LRP1B: variants seen among roughly 807,000 people sequenced by gnomAD.
LRP1B encodes the protein low-density lipoprotein receptor-related protein 1B.
A neutral mutation model predicts 556.6 loss-of-function variants in LRP1B; 217 were observed. That is an observed-to-expected ratio of 0.39 (90% CI 0.35 to 0.44). The LOEUF (loss-of-function observed/expected upper bound fraction) is 0.44. LRP1B is among the 20% of genes least tolerant of loss of function. The probability of loss-of-function intolerance (pLI) is 1.00; values close to 1 mark genes in which losing one functional copy is unlikely to be tolerated. For synonymous variants in LRP1B, 2,047 were observed against 1,865.8 expected (o/e 1.10, Z -2.50); for missense variants, 5,053 against 5,620.8 (o/e 0.90, Z 3.23).
chr2:141,803,931 C>T lies in LRP1B; in HGVS notation c.205+6348G>A, dbSNP rs569721788. Among the ~76,000 whole-genome samples, 60 of 152,200 alleles carry T rather than the reference C, an allele frequency of 3.9e-4. No individual in the cohort carries two copies. The South Asian group carries it at 0.011, about 27-fold the overall frequency. On this transcript the variant is annotated intron_variant, in intron 2 of 90. Coordinates refer to ENST00000389484, the MANE Select transcript of LRP1B (RefSeq NM_018557.3). ...AATAAAGTTTAAAATTTCACAACAA[C>T]GGAAACATAATAGAATCATTGGTCA...
intron 3 of LRP1B, among the ~76,000 whole-genome samples, chr2:141,308,309 C>A (rs1686676908): frequency 6.6e-6 from 1 of 152,122 alleles, no homozygotes; most frequent in South Asian, 2.1e-4. Context: ...GTCTTGATGG[C>A]ATCTTTTGAG....
intron 60 of LRP1B, among the ~76,000 whole-genome samples, chr2:140,471,509 C>A (rs1243074873): frequency 3.9e-5 from 6 of 152,036 alleles, no homozygotes; most frequent in Non-Finnish European, 8.8e-5. Flanking sequence ...TAATATAAAT[C>A]ATTTACTTAA....
intron 41 of LRP1B, among the ~76,000 whole-genome samples, chr2:140,640,545 G>T (rs562554240): frequency 1.3e-5 from 2 of 150,130 alleles, no homozygotes; most frequent in Non-Finnish European, 3.0e-5. Flanking sequence ...ACAGGCGCCC[G>T]CCACCATGCC....
At chr2:141,626,883 T>A (rs964512181) in intron 2 of LRP1B, among the ~76,000 whole-genome samples, 1 of 152,150 alleles carries the variant, frequency 6.6e-6, no homozygotes, top group Non-Finnish European at 1.5e-5. Flanking sequence ...TGGAAGACAG[T>A]TTGCCAGATT....
chr2:140,603,105 T>C (rs490089), intron 41 of LRP1B, among the ~76,000 whole-genome samples: 150,315 of 152,068 alleles, frequency 0.99, 74,321 homozygotes, highest in Middle Eastern at 1. Context: ...TCATTAGTCT[T>C]AACTTGTTTG....
intron 31 of LRP1B, among the ~76,000 whole-genome samples, chr2:140,834,351 T>A (rs62173624): frequency 3.3e-5 from 5 of 151,986 alleles, no homozygotes; most frequent in South Asian, 4.2e-4. Context: ...GCGATCCTCC[T>A]GCCTCAGCCT....
intron 66 of LRP1B, among the ~76,000 whole-genome samples, chr2:140,390,328 T>A (rs1349509357): frequency 6.6e-6 from 1 of 152,124 alleles, no homozygotes; most frequent in African/African-American, 2.4e-5. Flanking sequence ...CAATTGAGTT[T>A]CAATAAAGGC....
intron 79 of LRP1B, among the ~76,000 whole-genome samples, chr2:140,334,251 G>A (rs1377667196): frequency 6.6e-6 from 1 of 151,950 alleles, no homozygotes; most frequent in East Asian, 1.9e-4. Context: ...TAATATTCCT[G>A]TAATGTAACT....
At chr2:140,978,082 C>T (rs1696658802) in intron 18 of LRP1B, among the ~76,000 whole-genome samples, 1 of 152,150 alleles carries the variant, frequency 6.6e-6, no homozygotes, top group African/African-American at 2.4e-5. Flanking sequence ...CATGTGAAGA[C>T]TACTAAAAAA....
chr2:141,020,101 A>T lies in LRP1B; in HGVS notation c.1791T>A (p.Asp597Glu), dbSNP rs746448277. ...GTERETILKD[D>E]LDNVEGIAVD... ...CAGCAATGCCCTCTACATTATCCAG[A>T]TCTATAAAAAAAGCAAAAACAAGAA... The change falls in exon 12 of 91, where the codon GAT (aspartate) becomes GAA (glutamate). Residue 597 changes from aspartate to glutamate, a missense_variant and splice_region_variant. Asp to Glu is a conservative substitution (Grantham distance 45). Around this residue, in one of 5 missense-constraint regions of LRP1B, gnomAD observed 3,619 missense variants for 3,931.9 expected, o/e 0.92. Coordinates refer to ENST00000389484, the MANE Select transcript of LRP1B (RefSeq NM_018557.3). The T allele has an allele frequency of 3.3e-6, 5 of 1,502,344 alleles. No homozygotes were observed. In the East Asian group the frequency reaches 1.2e-4, roughly 36 times the overall value. 93.1% of individuals were successfully genotyped at this position (1,502,344 alleles called of 1,614,324 possible). A position where few individuals can be genotyped will look rare whatever the true frequency, so the allele number is the denominator to read the frequency against.
intron 20 of LRP1B, among the ~76,000 whole-genome samples, chr2:140,926,314 T>C (rs1694884810): frequency 6.6e-6 from 1 of 152,192 alleles, no homozygotes; most frequent in Non-Finnish European, 1.5e-5. Context: ...CCCTCTTGTC[T>C]TCAGAATGTC....
At chr2:141,771,925 TCTC>T (rs765312110) in intron 2 of LRP1B, among the ~76,000 whole-genome samples, 1 of 152,116 alleles carries the variant, frequency 6.6e-6, no homozygotes, top group Non-Finnish European at 1.5e-5. Flanking sequence ...TTCAAGCAAT[TCTC>T]CTGCCTCAGC....
At chr2:141,062,841 A>C (rs567518982) in intron 7 of LRP1B, among the ~76,000 whole-genome samples, 24 of 151,936 alleles carry the variant, frequency 1.6e-4, no homozygotes, top group African/African-American at 5.5e-4. Flanking sequence ...ACTTATCCCA[A>C]ATTCTCCCAA....
Position 141,962,239 on chromosome 2 carries a change from C to T in LRP1B, c.83-151838G>A, listed in dbSNP as rs139663496. 5.9e-4 allele frequency among the ~76,000 whole-genome samples: 79 copies of T among 133,950 alleles called. 1 individual carries two copies. The highest frequency in any genetic ancestry group is 2.1e-3 in the African/African-American group (76 of 35,504). 87.9% of individuals were successfully genotyped at this position (133,950 alleles called of 152,430 possible). A position where few individuals can be genotyped will look rare whatever the true frequency, so the allele number is the denominator to read the frequency against. On this transcript the variant is annotated intron_variant, in intron 1 of 90. Transcript: ENST00000389484. ...TATCTTCATTCATCAATCCTTCTCA[C>T]AGATGATAGTATTATCTAATAATCA...
intron 29 of LRP1B, among the ~76,000 whole-genome samples, chr2:140,843,077 T>TG (rs1329975299): frequency 1.9e-4 from 4 of 21,430 alleles, no homozygotes; most frequent in African/African-American, 5.1e-4. Flanking sequence ...GTTTTTTTTT[T>TG]TTTGTTTGTT....
chr2:141,154,469 G>A lies in LRP1B; in HGVS notation c.1013+33952C>T, dbSNP rs549145830. ...TATTTTCCCTTAGAGAAGAAATCAC[G>A]ATGTCACAGCTTCAAATTTTTCATC... On this transcript the variant is annotated intron_variant, in intron 7 of 90. Transcript: ENST00000389484. Among the ~76,000 whole-genome samples the A allele has an allele frequency of 6.6e-5, 10 of 151,864 alleles. No individual in the cohort carries two copies. In the East Asian group the frequency reaches 1.5e-3, roughly 23 times the overall value.
At chr2:140,880,637 G>A (rs1200803568) in intron 25 of LRP1B, among the ~76,000 whole-genome samples, 2 of 152,110 alleles carry the variant, frequency 1.3e-5, no homozygotes, top group Admixed American at 1.3e-4. Context: ...GACCTTGATT[G>A]CTGTAGAAAC....
chr2:140,333,368 T>C (rs1193565878), intron 79 of LRP1B, among the ~76,000 whole-genome samples: 1 of 152,066 alleles, frequency 6.6e-6, no homozygotes, highest in Non-Finnish European at 1.5e-5. Flanking sequence ...TATAGGAAGA[T>C]AGATTTCATG....
At chr2:141,086,539 C>T (rs1462178999) in intron 7 of LRP1B, among the ~76,000 whole-genome samples, 2 of 151,392 alleles carry the variant, frequency 1.3e-5, no homozygotes, top group Non-Finnish European at 2.9e-5. Context: ...ATACAATAAG[C>T]ATATATTTAA....
Sources: allele counts gnomAD v4.1 joint callset (sites outside exome capture counted in the v4.1 genomes callset), GRCh38; gene constraint gnomAD v4.1.1; regional missense constraint gnomAD v4.1.1; transcripts MANE v1.5; gene names NCBI Gene and HGNC (gene_info 2026-07-23, HGNC 2026-07-21).